The following DPP10 variants were observed in gnomAD, a reference collection of about 807,000 sequenced individuals.
DPP10 encodes the protein dipeptidyl peptidase like 10.
In DPP10, 33 loss-of-function variants were observed where a neutral mutation model predicts 120.9. That is an observed-to-expected ratio of 0.27 (90% CI 0.21 to 0.37). The LOEUF is 0.37. Among genes scored for constraint, DPP10 ranks in the 10% least tolerant of loss-of-function variants. The pLI, the probability that DPP10 is intolerant of heterozygous loss-of-function variation, is 1.00. For missense variants in DPP10, 816 were observed against 942.8 expected (o/e 0.87, Z 1.76); for synonymous variants, 337 against 326.1 (o/e 1.03, Z -0.36).
intron 1 of DPP10, among the ~76,000 whole-genome samples, chr2:114,951,591 T>C (rs994015685): frequency 1.3e-5 from 2 of 152,192 alleles, no homozygotes; most frequent in Non-Finnish European, 2.9e-5. Context: ...AGAAGGTTTT[T>C]TAATAAGAAG....
At chr2:114,690,666 C>T (rs546317336) in intron 1 of DPP10, among the ~76,000 whole-genome samples, 2 of 152,098 alleles carry the variant, frequency 1.3e-5, no homozygotes, top group East Asian at 1.9e-4. Context: ...CTATAAATTA[C>T]TTTGGGTAGT....
At chr2:115,290,102 C>A (rs2060592544) in intron 1 of DPP10, among the ~76,000 whole-genome samples, 1 of 152,046 alleles carries the variant, frequency 6.6e-6, no homozygotes, top group Admixed American at 6.6e-5. Flanking sequence ...ATACATCCAA[C>A]AAAGGACTAA....
chr2:115,296,042 G>C (rs1364182262), intron 1 of DPP10, among the ~76,000 whole-genome samples: 2 of 152,056 alleles, frequency 1.3e-5, no homozygotes, highest in Non-Finnish European at 2.9e-5. Flanking sequence ...TGATGCCTAA[G>C]AAAGCAAAAT....
At chr2:115,177,427 C>A (rs547225434) in intron 1 of DPP10, among the ~76,000 whole-genome samples, 1 of 152,092 alleles carries the variant, frequency 6.6e-6, no homozygotes, top group Non-Finnish European at 1.5e-5. Flanking sequence ...TCGGTGCTAA[C>A]GGAGTCTATT....
intron 1 of DPP10, among the ~76,000 whole-genome samples, chr2:114,847,329 A>C (rs565644654): frequency 6.6e-6 from 1 of 152,118 alleles, no homozygotes; most frequent in South Asian, 2.1e-4. Context: ...CATGTTCCTA[A>C]ACTTCCAGTT....
At chr2:115,026,036 T>C (rs1243854299) in intron 1 of DPP10, among the ~76,000 whole-genome samples, 1 of 152,122 alleles carries the variant, frequency 6.6e-6, no homozygotes, top group Non-Finnish European at 1.5e-5. Flanking sequence ...TGTGATCCCA[T>C]TTGTTTATTT....
chr2:115,263,049 A>C (rs970911367), intron 1 of DPP10, among the ~76,000 whole-genome samples: 9 of 152,278 alleles, frequency 5.9e-5, no homozygotes, highest in Admixed American at 2.6e-4. Flanking sequence ...TCTTACCCTG[A>C]GTCTGGAAGT....
chr2:115,316,173 G>T (rs2061781924), intron 2 of DPP10, among the ~76,000 whole-genome samples: 1 of 151,964 alleles, frequency 6.6e-6, no homozygotes, highest in Admixed American at 6.6e-5. Flanking sequence ...CACTAATATT[G>T]CATAGATACT....
intron 4 of DPP10, among the ~76,000 whole-genome samples, chr2:115,501,054 T>TA (rs1263927889): frequency 6.6e-6 from 1 of 151,966 alleles, no homozygotes; most frequent in African/African-American, 2.4e-5. Context: ...TTAATAAAAT[T>TA]AGTTTGGGGA....
intron 1 of DPP10, among the ~76,000 whole-genome samples, chr2:115,053,698 T>C (rs1705684505): frequency 6.6e-6 from 1 of 152,182 alleles, no homozygotes; most frequent in South Asian, 2.1e-4. Context: ...ACAATGAGAA[T>C]ATATTTCATG....
chr2:114,914,432 C>A (rs2106635766), intron 1 of DPP10, among the ~76,000 whole-genome samples: 1 of 152,260 alleles, frequency 6.6e-6, no homozygotes, highest in Non-Finnish European at 1.5e-5. Flanking sequence ...AAATCCCAAA[C>A]AAGAATTTTT....
At chr2:115,695,249 A>G (rs1295993159) in intron 7 of DPP10, among the ~76,000 whole-genome samples, 7 of 152,246 alleles carry the variant, frequency 4.6e-5, no homozygotes, top group African/African-American at 1.4e-4. Flanking sequence ...GATTCTCAGC[A>G]TAAAGACAGC....
intron 3 of DPP10, among the ~76,000 whole-genome samples, chr2:115,414,891 GGTAA>G (rs3980956): frequency 0.12 from 17,919 of 152,066 alleles, 1,312 homozygotes; most frequent in African/African-American, 0.2. Context: ...AGGCTTGGAA[GGTAA>G]GTAAGCACTA....
intron 4 of DPP10, among the ~76,000 whole-genome samples, chr2:115,517,137 C>T (rs74828219): frequency 0.01 from 1,592 of 152,176 alleles, 34 homozygotes; most frequent in African/African-American, 0.037. Flanking sequence ...GAAGCAATTG[C>T]ACGTGTATTT....
intron 1 of DPP10, among the ~76,000 whole-genome samples, chr2:114,691,074 A>G (rs1192575310): frequency 3.3e-5 from 5 of 151,988 alleles, no homozygotes; most frequent in African/African-American, 4.8e-5. Context: ...TCTCTTGCCT[A>G]ATTGCCCTGG....
intron 1 of DPP10, among the ~76,000 whole-genome samples, chr2:114,954,703 T>C (rs893431822): frequency 3.3e-5 from 5 of 151,940 alleles, no homozygotes; most frequent in Admixed American, 2.0e-4. Flanking sequence ...CAAGTTGATA[T>C]ACCTTTAGCC....
chr2:115,210,245 T>C (rs1044787255), intron 1 of DPP10, among the ~76,000 whole-genome samples: 31 of 152,050 alleles, frequency 2.0e-4, no homozygotes, highest in Admixed American at 2.0e-4. Context: ...TGTTCAGTTC[T>C]CACCTATGAG....
intron 5 of DPP10, among the ~76,000 whole-genome samples, chr2:115,578,682 A>T (rs1173703743): frequency 2.0e-5 from 3 of 152,222 alleles, no homozygotes; most frequent in Admixed American, 6.5e-5. Flanking sequence ...TCATTACAGA[A>T]GCATGTTTTA....
intron 1 of DPP10, among the ~76,000 whole-genome samples, chr2:114,560,336 TAAAG>T (rs1427141925): frequency 1.3e-5 from 2 of 152,064 alleles, no homozygotes; most frequent in East Asian, 1.9e-4. Context: ...TAAATAAAAT[TAAAG>T]AAGCAAGCAA....
Sources: gnomAD v4.1 joint callset for allele counts (sites outside exome capture counted in the v4.1 genomes callset) on GRCh38, gnomAD v4.1.1 for gene constraint, MANE v1.5 for transcripts, NCBI Gene and HGNC (gene_info 2026-07-23, HGNC 2026-07-21) for gene names.